GAREM1: variants seen among roughly 807,000 people sequenced by gnomAD.
GAREM1 encodes GRB2-associated and regulator of MAPK protein 1.
GAREM1 carries 26 observed loss-of-function variants against 71.3 expected under a neutral mutation model. The ratio of observed to expected loss-of-function variants is 0.36; its 90% CI spans 0.27 to 0.51. The LOEUF is 0.51. Among genes scored for constraint, GAREM1 ranks in the 20% least tolerant of loss-of-function variants. The probability of loss-of-function intolerance (pLI) is 0.95; values close to 1 mark genes in which losing one functional copy is unlikely to be tolerated. For missense variants in GAREM1, 1,026 were observed against 1,103.1 expected (o/e 0.93, Z 0.99); for synonymous variants, 440 against 433.2 (o/e 1.02, Z -0.20).
chr18:32,279,622 TATTTC>T (rs1205815880), intron 4 of GAREM1, among the ~76,000 whole-genome samples: 1 of 152,200 alleles, frequency 6.6e-6, no homozygotes, highest in Non-Finnish European at 1.5e-5. Flanking sequence ...GTTGTATAAT[TATTTC>T]ATTATATATT....
chr18:32,344,314 G>A (rs1019098647), intron 2 of GAREM1, among the ~76,000 whole-genome samples: 37 of 152,146 alleles, frequency 2.4e-4, no homozygotes, highest in Admixed American at 1.8e-3. Context: ...AAACTCAGGA[G>A]CTTTCAAAGT....
intron 4 of GAREM1, among the ~76,000 whole-genome samples, chr18:32,284,544 G>A (rs1389664481): frequency 6.6e-6 from 1 of 152,188 alleles, no homozygotes; most frequent in African/African-American, 2.4e-5. Flanking sequence ...GACCCTGGGT[G>A]TGACCATCTC....
At chr18:32,332,737 A>T (rs2047550084) in intron 2 of GAREM1, among the ~76,000 whole-genome samples, 1 of 152,192 alleles carries the variant, frequency 6.6e-6, no homozygotes, top group Non-Finnish European at 1.5e-5. Context: ...GATTAAACGT[A>T]GTAAACCTAG....
intron 2 of GAREM1, among the ~76,000 whole-genome samples, chr18:32,390,050 A>AG (rs753051810): frequency 1.3e-5 from 2 of 152,158 alleles, no homozygotes; most frequent in Non-Finnish European, 2.9e-5. Flanking sequence ...ACAAGCCTGT[A>AG]GTGCCAGCTA....
chr18:32,295,951 T>C (rs1482845989), intron 3 of GAREM1, among the ~76,000 whole-genome samples: 1 of 151,198 alleles, frequency 6.6e-6, no homozygotes, highest in Non-Finnish European at 1.5e-5. Context: ...TTTAAATACA[T>C]TTTAGCTTTT....
intron 2 of GAREM1, among the ~76,000 whole-genome samples, chr18:32,319,013 C>T (rs1437265281): frequency 6.6e-6 from 1 of 152,092 alleles, no homozygotes; most frequent in Non-Finnish European, 1.5e-5. Context: ...AGGGGAGGGT[C>T]CAGGTCTGTG....
chr18:32,422,225 T>C (rs1359627669), intron 1 of GAREM1, among the ~76,000 whole-genome samples: 1 of 151,786 alleles, frequency 6.6e-6, no homozygotes. Flanking sequence ...CGCCTATGAG[T>C]GAGAACATGC....
intron 1 of GAREM1, among the ~76,000 whole-genome samples, chr18:32,456,483 T>C (rs972187565): frequency 1.3e-5 from 2 of 152,150 alleles, no homozygotes; most frequent in Non-Finnish European, 2.9e-5. Context: ...ACATCCATGA[T>C]AGAAATGAGA....
At chr18:32,307,173 A>G (rs1000101773) in intron 3 of GAREM1, among the ~76,000 whole-genome samples, 2 of 152,162 alleles carry the variant, frequency 1.3e-5, no homozygotes, top group African/African-American at 4.8e-5. Context: ...TTCAGTTTGG[A>G]CTTGTAAATA....
chr18:32,410,781 T>C (rs111663475), intron 1 of GAREM1, among the ~76,000 whole-genome samples: 9 of 152,306 alleles, frequency 5.9e-5, no homozygotes, highest in Middle Eastern at 3.4e-3. Context: ...TAGAAGTCTC[T>C]CAACAAATAC....
intron 1 of GAREM1, among the ~76,000 whole-genome samples, chr18:32,447,047 AATTAC>A (rs1338591371): frequency 6.6e-6 from 1 of 152,194 alleles, no homozygotes; most frequent in Non-Finnish European, 1.5e-5. Context: ...AGAGAGCACT[AATTAC>A]ATGCAACTTT....
At chr18:32,347,870 G>A (rs1445077088) in intron 2 of GAREM1, among the ~76,000 whole-genome samples, 2 of 152,108 alleles carry the variant, frequency 1.3e-5, no homozygotes, top group South Asian at 2.1e-4. Flanking sequence ...TTTCACTCGT[G>A]TGTCAGGTCC....
At chr18:32,337,090 T>A (rs1453543162) in intron 2 of GAREM1, among the ~76,000 whole-genome samples, 2 of 152,216 alleles carry the variant, frequency 1.3e-5, no homozygotes, top group African/African-American at 2.4e-5. Context: ...GAAAACCCAA[T>A]GAGAGACTCT....
Position 32,359,957 on chromosome 18 carries a change from A to AAAT in GAREM1, c.262+32935_262+32937dup, listed in dbSNP as rs1567978613. Among the ~76,000 whole-genome samples, 526 of 148,376 alleles carry AAAT rather than the reference A, an allele frequency of 3.5e-3. 4 individuals are homozygous for AAAT. Among genetic ancestry groups the AAAT allele is most frequent in the African/African-American group, 0.012 (466 of 39,280 alleles). On this transcript the variant is annotated intron_variant, in intron 2 of 5. Transcript: ENST00000269209. Reference sequence around the variant, plus strand: ...ATAAATAAATAAATAAATAAATAAAAAATTGAATAAATAAAAAGAATCACC... The same window carrying AAAT: ...ATAAATAAATAAATAAATAAATAAAAAATAATTGAATAAATAAAAAGAATCACC...
chr18:32,443,095 A>G (rs1314618973), intron 1 of GAREM1, among the ~76,000 whole-genome samples: 1 of 152,194 alleles, frequency 6.6e-6, no homozygotes, highest in African/African-American at 2.4e-5. Flanking sequence ...AAAACAGCTA[A>G]GAAACACAGA....
chr18:32,402,404 T>G (rs2048323333), intron 1 of GAREM1, among the ~76,000 whole-genome samples: 1 of 152,136 alleles, frequency 6.6e-6, no homozygotes, highest in Admixed American at 6.6e-5. Flanking sequence ...ACCTTCAAAG[T>G]TAGTCTGCTT....
chr18:32,413,717 G>C (rs1319066359), intron 1 of GAREM1, among the ~76,000 whole-genome samples: 1 of 151,950 alleles, frequency 6.6e-6, no homozygotes, highest in African/African-American at 2.4e-5. Flanking sequence ...TCTTAAAATT[G>C]AACTGGAAAA....
chr18:32,414,132 G>A (rs191776719), intron 1 of GAREM1, among the ~76,000 whole-genome samples: 46 of 152,064 alleles, frequency 3.0e-4, no homozygotes, highest in Admixed American at 3.9e-4. Flanking sequence ...ATAAAAGGTC[G>A]CTATTTGCAA....
intron 2 of GAREM1, among the ~76,000 whole-genome samples, chr18:32,352,507 G>A (rs2047762123): frequency 6.6e-6 from 1 of 152,164 alleles, no homozygotes; most frequent in African/African-American, 2.4e-5. Context: ...CCACAGTTTT[G>A]GGAGGTGAGG....
Sources: gnomAD v4.1 joint callset for allele counts (sites outside exome capture counted in the v4.1 genomes callset) on GRCh38, gnomAD v4.1.1 for gene constraint, MANE v1.5 for transcripts, NCBI Gene and HGNC (gene_info 2026-07-23, HGNC 2026-07-21) for gene names.